KCNN2: variants seen among roughly 807,000 people sequenced by gnomAD.
The protein encoded by KCNN2 is small conductance calcium-activated potassium channel protein 2.
Under a neutral mutation model 55.5 loss-of-function variants are expected in KCNN2, and 24 were observed. That is an observed-to-expected ratio of 0.43 (90% CI 0.31 to 0.61). The LOEUF is 0.61. Among genes scored for constraint, KCNN2 ranks in the 20% least tolerant of loss-of-function variants. KCNN2 has a pLI of 0.08. For synonymous variants in KCNN2, 431 were observed against 336.1 expected, an observed-to-expected ratio of 1.28 and a Z score of -3.09; for missense variants, 754 against 853.6, an observed-to-expected ratio of 0.88 and a Z score of 1.45.
Position 114,362,703 on chromosome 5 carries a change from C to T in KCNN2, c.564C>T (p.His188=), listed in dbSNP as rs1757468360. The change falls in exon 1 of 8, where the codon CAC becomes CAT. Residue 188 remains histidine, a synonymous_variant. Transcript: ENST00000673685. The stretch of plus-strand genomic sequence containing the variant: ...CCCCGCTCTCGCACCACCACCACCA[C>T]CCGCACCCGGCGCACCACCAGCACC... ...SGPPLSHHHH[H]PHPAHHQHHQ... is the part of the protein sequence containing the mutation. 5 of 1,489,740 alleles carry T rather than the reference C, an allele frequency of 3.4e-6. No individual in the cohort carries two copies. The highest frequency in any genetic ancestry group is 2.7e-6 in the Non-Finnish European group (3 of 1,129,072). The allele number at this position is 1,489,740 out of a possible 1,614,324, so 92.3% of individuals were successfully genotyped here.
intron 3 of KCNN2, among the ~76,000 whole-genome samples, chr5:114,413,540 G>C (rs542522191): frequency 2.6e-5 from 4 of 152,266 alleles, no homozygotes; most frequent in African/African-American, 9.6e-5. Context: ...TGCCCACTAG[G>C]CCTCTCAAAG....
intron 3 of KCNN2, among the ~76,000 whole-genome samples, chr5:114,409,567 T>G (rs950301496): frequency 2.6e-5 from 4 of 152,174 alleles, no homozygotes; most frequent in African/African-American, 4.8e-5. Context: ...AAAGGGGAGA[T>G]TCACATCTGA....
chr5:114,136,280 G>T lies in KCNN2; in HGVS notation c.-271+79780G>T, dbSNP rs182249703. Reference sequence around the variant, plus strand: ...GGTTGCTATATCTTGAGAGTGGGTGGTTAGAACTGTGAGTTCAGCCCTCAC... The same window carrying T: ...GGTTGCTATATCTTGAGAGTGGGTGTTTAGAACTGTGAGTTCAGCCCTCAC... On this transcript the variant is annotated intron_variant, in intron 1 of 10. Transcript: ENST00000512097. Among the ~76,000 whole-genome samples, 50 of 152,244 alleles carry T rather than the reference G, an allele frequency of 3.3e-4. No homozygotes were observed. The East Asian group carries it at 5.4e-3, about 17-fold the overall frequency.
At chr5:114,372,030 A>G (rs1757772239) in intron 2 of KCNN2, among the ~76,000 whole-genome samples, 1 of 152,204 alleles carries the variant, frequency 6.6e-6, no homozygotes, top group South Asian at 2.1e-4. Flanking sequence ...ATTTCAGACC[A>G]GCATATCAGC....
intron 1 of KCNN2, among the ~76,000 whole-genome samples, chr5:114,178,419 C>G (rs1205491221): frequency 6.6e-6 from 1 of 152,100 alleles, no homozygotes; most frequent in Non-Finnish European, 1.5e-5. Context: ...TCAGGAAAAA[C>G]TGTATGTGGT....
chr5:114,276,135 A>G (rs1188564002), intron 2 of KCNN2, among the ~76,000 whole-genome samples: 1 of 152,032 alleles, frequency 6.6e-6, no homozygotes, highest in Non-Finnish European at 1.5e-5. Context: ...GTAGTTGTGC[A>G]GTTTTGAGTG....
chr5:114,333,529 T>C (rs1178912357), intron 2 of KCNN2, among the ~76,000 whole-genome samples: 2 of 152,160 alleles, frequency 1.3e-5, no homozygotes, highest in South Asian at 2.1e-4. Context: ...ATATTTTCTA[T>C]GTAGGTGACT....
intron 2 of KCNN2, among the ~76,000 whole-genome samples, chr5:114,314,057 G>T (rs1403914171): frequency 6.6e-6 from 1 of 151,992 alleles, no homozygotes; most frequent in Non-Finnish European, 1.5e-5. Context: ...AAATGATTTC[G>T]TGGATCACTT....
chr5:114,149,759 T>G (rs1011151106), intron 1 of KCNN2, among the ~76,000 whole-genome samples: 6 of 152,068 alleles, frequency 3.9e-5, no homozygotes, highest in African/African-American at 1.4e-4. Flanking sequence ...AAGATATTAA[T>G]CAGTAGTAAT....
At chr5:114,254,340 A>C (rs1195693401) in intron 2 of KCNN2, among the ~76,000 whole-genome samples, 2 of 152,216 alleles carry the variant, frequency 1.3e-5, no homozygotes, top group Non-Finnish European at 2.9e-5. Context: ...ACAATGTCTG[A>C]ATCCTGTATA....
intron 2 of KCNN2, among the ~76,000 whole-genome samples, chr5:114,379,730 A>G (rs36137318): frequency 0.053 from 2,581 of 48,868 alleles, 592 homozygotes; most frequent in Admixed American, 0.062. Context: ...TTATATATTT[A>G]TAGAATATAT....
At chr5:114,273,329 A>G (rs986722626) in intron 2 of KCNN2, among the ~76,000 whole-genome samples, 7 of 152,222 alleles carry the variant, frequency 4.6e-5, no homozygotes, top group East Asian at 1.9e-4. Context: ...TAATGCTGCA[A>G]TAAACATACG....
At chr5:114,444,884 C>A (rs1288785621) in intron 3 of KCNN2, among the ~76,000 whole-genome samples, 4 of 152,036 alleles carry the variant, frequency 2.6e-5, no homozygotes, top group Admixed American at 2.6e-4. Flanking sequence ...ACTCAAATAC[C>A]CCCTGAAAAA....
chr5:114,334,725 GTACTAA>G (rs948521576), intron 2 of KCNN2, among the ~76,000 whole-genome samples: 25 of 151,826 alleles, frequency 1.6e-4, no homozygotes, highest in African/African-American at 4.8e-5. Flanking sequence ...GAACACTAAA[GTACTAA>G]TACTATGTAT....
At chr5:114,293,911 T>G (rs548010818) in intron 2 of KCNN2, among the ~76,000 whole-genome samples, 1 of 152,364 alleles carries the variant, frequency 6.6e-6, no homozygotes, top group East Asian at 1.9e-4. Context: ...TCTTCCTGGT[T>G]CAGTCTTGGG....
intron 2 of KCNN2, among the ~76,000 whole-genome samples, chr5:114,225,488 G>A (rs1172384524): frequency 6.6e-6 from 1 of 152,144 alleles, no homozygotes; most frequent in African/African-American, 2.4e-5. Context: ...CCAATTACAA[G>A]TCACCAGTGG....
chr5:114,131,593 C>T (rs1018363330), intron 1 of KCNN2, among the ~76,000 whole-genome samples: 5 of 152,114 alleles, frequency 3.3e-5, no homozygotes, highest in Admixed American at 1.3e-4. Flanking sequence ...ACTGAACACA[C>T]GCATGCATAT....
chr5:114,294,002 G>T (rs910083596), intron 2 of KCNN2, among the ~76,000 whole-genome samples: 1 of 152,162 alleles, frequency 6.6e-6, no homozygotes, highest in Non-Finnish European at 1.5e-5. Flanking sequence ...AGTATTCTCC[G>T]ATGGTAGTTT....
chr5:114,297,800 T>G (rs1756060283), intron 2 of KCNN2, among the ~76,000 whole-genome samples: 1 of 152,148 alleles, frequency 6.6e-6, no homozygotes, highest in Admixed American at 6.5e-5. Flanking sequence ...ATGAAAAATA[T>G]TCAAGAAATT....
Sources: gnomAD v4.1 joint callset for allele counts (sites outside exome capture counted in the v4.1 genomes callset) on GRCh38, gnomAD v4.1.1 for gene constraint, MANE v1.5 for transcripts, NCBI Gene and HGNC (gene_info 2026-07-23, HGNC 2026-07-21) for gene names.